Variants in CLASP1 observed in about 807,000 individuals in gnomAD.
CLASP1 encodes CLIP-associating protein 1.
A neutral mutation model predicts 192.3 loss-of-function variants in CLASP1; 38 were observed. That is an observed-to-expected ratio of 0.20 (90% confidence interval 0.15 to 0.26). CLASP1 has a LOEUF of 0.26. Ranked by LOEUF, CLASP1 falls within the 10% of genes least tolerant of loss-of-function variation. The pLI, the probability that CLASP1 is intolerant of heterozygous loss-of-function variation, is 1.00. For synonymous variants in CLASP1, 691 were observed against 712.8 expected (o/e 0.97, Z 0.49); for missense variants, 1,433 against 1,932.5 (o/e 0.74, Z 4.85).
chr2:121,450,816 A>G (rs2085326187), intron 16 of CLASP1, 97 bp downstream of exon 16: 1 of 812,420 alleles, frequency 1.2e-6, no homozygotes, highest in East Asian at 2.6e-5. Context: ...GTTAACAAAT[A>G]TGTTCAAGTA....
chr2:121,541,338 T>G (rs1240758295), intron 2 of CLASP1, among the ~76,000 whole-genome samples: 1 of 152,194 alleles, frequency 6.6e-6, no homozygotes, highest in East Asian at 1.9e-4. Context: ...TTAAGGTATT[T>G]TGCATGAATC....
chr2:121,532,528 G>C (rs1034596232), intron 2 of CLASP1: 6 of 152,186 alleles, frequency 3.9e-5, no homozygotes, highest in Admixed American at 3.3e-4. Context: ...AGACCCTTAA[G>C]CTCAGTCTAA....
intron 3 of CLASP1, 30 bp from the exon 4 acceptor site, chr2:121,528,810 G>A (rs1289910213): frequency 6.4e-7 from 1 of 1,556,534 alleles, no homozygotes; most frequent in Non-Finnish European, 8.9e-7. Context: ...CTGATCAAAT[G>A]AAACCCTATT....
chr2:121,375,406 C>A (rs900171478), intron 34 of CLASP1, among the ~76,000 whole-genome samples: 5 of 148,414 alleles, frequency 3.4e-5, no homozygotes, highest in Non-Finnish European at 5.9e-5. Context: ...ACTCTGTCAC[C>A]AGGCTGGAAT....
At chr2:121,490,343 C>T (rs2093234575) in intron 8 of CLASP1, 1 of 444,390 alleles carries the variant, frequency 2.3e-6, no homozygotes, top group Admixed American at 2.5e-5. Flanking sequence ...GCTATACCTA[C>T]TCACAGCAAC....
chr2:121,642,039 A>T (rs1316029610), intron 1 of CLASP1, among the ~76,000 whole-genome samples: 1 of 151,990 alleles, frequency 6.6e-6, no homozygotes, highest in Non-Finnish European at 1.5e-5. Context: ...CAATAATCCC[A>T]CTTATTTGAA....
chr2:121,646,555 A>G (rs1193229393), intron 1 of CLASP1, among the ~76,000 whole-genome samples: 3 of 152,242 alleles, frequency 2.0e-5, no homozygotes, highest in Non-Finnish European at 2.9e-5. Context: ...AACATTTGTA[A>G]TCACTTAAAT....
chr2:121,541,108 G>T (rs899039532), intron 2 of CLASP1, among the ~76,000 whole-genome samples: 1 of 152,112 alleles, frequency 6.6e-6, no homozygotes, highest in African/African-American at 2.4e-5. Context: ...AAGAAGCTTA[G>T]ACCTCCAAAA....
intron 2 of CLASP1, among the ~76,000 whole-genome samples, chr2:121,549,308 C>T (rs2057778834): frequency 6.6e-6 from 1 of 152,132 alleles, no homozygotes; most frequent in East Asian, 1.9e-4. Flanking sequence ...GACAAAGAGA[C>T]TTTAAAACAA....
intron 1 of CLASP1, among the ~76,000 whole-genome samples, chr2:121,619,178 C>A (rs1486416383): frequency 6.6e-6 from 1 of 152,132 alleles, no homozygotes. Flanking sequence ...TTCAAGCTCA[C>A]CACATTACAT....
At chr2:121,376,593 T>C (rs2070271644) in intron 34 of CLASP1, among the ~76,000 whole-genome samples, 2 of 151,936 alleles carry the variant, frequency 1.3e-5, no homozygotes, top group African/African-American at 2.4e-5. Flanking sequence ...GTAAGAGGAA[T>C]AAGTTCTAAT....
At chr2:121,364,418 C>G (rs2066990854) in intron 36 of CLASP1, 1 of 152,682 alleles carries the variant, frequency 6.5e-6, no homozygotes, top group Admixed American at 6.5e-5. Flanking sequence ...ATATAAGGGA[C>G]CAGCTCCACA....
At chr2:121,378,819 T>C (rs191856500) in intron 33 of CLASP1, among the ~76,000 whole-genome samples, 62 of 152,228 alleles carry the variant, frequency 4.1e-4, no homozygotes, top group Non-Finnish European at 7.9e-4. Context: ...AAAAGCAATC[T>C]TCCTGTTCTT....
chr2:121,455,589 G>A (rs1280961250), intron 14 of CLASP1, among the ~76,000 whole-genome samples: 3 of 152,172 alleles, frequency 2.0e-5, no homozygotes, highest in Non-Finnish European at 4.4e-5. Context: ...ACTTAAGTGT[G>A]GAATCCAAAA....
chr2:121,627,571 TA>T, intron 1 of CLASP1, among the ~76,000 whole-genome samples: 1 of 152,348 alleles, frequency 6.6e-6, no homozygotes, highest in East Asian at 1.9e-4. Context: ...CACCACTAGG[TA>T]AAGCTACACC....
At chr2:121,430,683 C>A (rs2081243859) in intron 19 of CLASP1, among the ~76,000 whole-genome samples, 1 of 151,906 alleles carries the variant, frequency 6.6e-6, no homozygotes, top group Non-Finnish European at 1.5e-5. Context: ...GAAGCTATAG[C>A]TCCCCAGTGA....
At chr2:121,478,683 C>T in intron 8 of CLASP1, among the ~76,000 whole-genome samples, 1 of 100,100 alleles carries the variant, frequency 1.0e-5, no homozygotes, top group Non-Finnish European at 2.1e-5. Context: ...ACCACACACA[C>T]ACCCCACACA....
chr2:121,467,176 ACATGTAC>A (rs1331590749), intron 9 of CLASP1, among the ~76,000 whole-genome samples: 1 of 152,236 alleles, frequency 6.6e-6, no homozygotes, highest in African/African-American at 2.4e-5. Context: ...AATGTGGTAT[ACATGTAC>A]CACACTTTCT....
intron 2 of CLASP1, among the ~76,000 whole-genome samples, chr2:121,546,705 CA>C (rs2057467066): frequency 6.6e-6 from 1 of 152,148 alleles, no homozygotes; most frequent in Non-Finnish European, 1.5e-5. Flanking sequence ...CAGGCGCAAA[CA>C]GAGACCCGAG....
Sources: allele counts gnomAD v4.1 joint callset (sites outside exome capture counted in the v4.1 genomes callset), GRCh38; gene constraint gnomAD v4.1.1; transcripts MANE v1.5; gene names NCBI Gene and HGNC (gene_info 2026-07-23, HGNC 2026-07-21).